PMS1: variants seen among roughly 807,000 people sequenced by gnomAD.
PMS1 encodes PMS1 protein homolog 1.
Under a neutral mutation model 93.1 loss-of-function variants are expected in PMS1, and 79 were observed. That is an observed-to-expected ratio of 0.85 (90% CI 0.71 to 1.02). The LOEUF (loss-of-function observed/expected upper bound fraction) is 1.02, where lower values mean the gene tolerates loss of function less well. PMS1 is among the 50% of genes least tolerant of loss of function. The pLI is 0.00. For synonymous variants in PMS1, 335 were observed against 363.4 expected (o/e 0.92, Z 0.89); for missense variants, 1,064 against 1,085.3 (o/e 0.98, Z 0.28).
At chr2:189,788,806 G>A (rs1055286703) in intron 1 of PMS1, among the ~76,000 whole-genome samples, 2 of 152,106 alleles carry the variant, frequency 1.3e-5, no homozygotes, top group African/African-American at 4.8e-5. Context: ...GACTACCCAC[G>A]TTTCTAGTGC....
At chr2:189,849,176 C>T (rs1051594349) in intron 6 of PMS1, among the ~76,000 whole-genome samples, 2 of 152,078 alleles carry the variant, frequency 1.3e-5, no homozygotes, top group African/African-American at 2.4e-5. Flanking sequence ...AGGGCCACTG[C>T]TCTGGTGGCT....
At chr2:189,849,212 T>C (rs2054495080) in intron 6 of PMS1, among the ~76,000 whole-genome samples, 1 of 152,182 alleles carries the variant, frequency 6.6e-6, no homozygotes, top group African/African-American at 2.4e-5. Context: ...CCATCGTGAC[T>C]TTGTGGGCTT....
chr2:189,858,773 T>C (rs1460063523), intron 9 of PMS1, among the ~76,000 whole-genome samples: 1 of 152,144 alleles, frequency 6.6e-6, no homozygotes, highest in Non-Finnish European at 1.5e-5. Flanking sequence ...AAAATAACTT[T>C]AAAATTGTGA....
At chr2:189,795,073 G>A (rs2049221493) in intron 2 of PMS1, among the ~76,000 whole-genome samples, 1 of 152,128 alleles carries the variant, frequency 6.6e-6, no homozygotes, top group Admixed American at 6.5e-5. Flanking sequence ...ACTGTATGTA[G>A]CCTGAGTGAC....
chr2:189,824,206 G>A (rs753726641), intron 5 of PMS1, among the ~76,000 whole-genome samples: 3 of 152,012 alleles, frequency 2.0e-5, no homozygotes, highest in Non-Finnish European at 4.4e-5. Flanking sequence ...GGTATCTGAA[G>A]CCTCCCTTCT....
intron 12 of PMS1, among the ~76,000 whole-genome samples, chr2:189,874,691 C>T (rs1335578382): frequency 6.6e-6 from 1 of 152,174 alleles, no homozygotes; most frequent in East Asian, 1.9e-4. Context: ...ACTTCCTTAA[C>T]AGGAAAGTCT....
intron 9 of PMS1, among the ~76,000 whole-genome samples, chr2:189,855,438 ATT>A (rs55803547): frequency 6.9e-6 from 1 of 144,286 alleles, no homozygotes; most frequent in African/African-American, 2.5e-5. Flanking sequence ...TTTATCTTCT[ATT>A]TTTTTTTTGT....
intron 5 of PMS1, among the ~76,000 whole-genome samples, chr2:189,833,645 A>G (rs922068064): frequency 2.2e-4 from 33 of 152,160 alleles, no homozygotes; most frequent in Non-Finnish European, 4.1e-4. Context: ...ACCAACTGAT[A>G]CTTTTTCATT....
At position 189,785,163 on chromosome 2, in the gene PMS1, A is replaced by G. The variant is rs5742937; in HGVS notation, c.-21+570A>G. Among the ~76,000 whole-genome samples the G allele has an allele frequency of 4.5e-3, 678 of 152,342 alleles. 5 individuals carry two copies. Among genetic ancestry groups the G allele is most frequent in the African/African-American group, 0.015 (642 of 41,578 alleles). ...GAAAGTTTGTGATTTTTATTGCCGAAATAGCTTTCAACATTTTGAAATTGA... is the reference window on the plus strand; with the variant it reads ...GAAAGTTTGTGATTTTTATTGCCGAGATAGCTTTCAACATTTTGAAATTGA... On this transcript the variant is annotated intron_variant, in intron 1 of 12. Coordinates refer to ENST00000441310, the MANE Select transcript of PMS1 (RefSeq NM_000534.5).
intron 5 of PMS1, among the ~76,000 whole-genome samples, chr2:189,830,117 A>T (rs1195274958): frequency 6.6e-6 from 1 of 152,144 alleles, no homozygotes; most frequent in Admixed American, 6.5e-5. Context: ...TAAATATGTT[A>T]GGTTTTTAGG....
chr2:189,839,975 G>T (rs990917543), intron 5 of PMS1, among the ~76,000 whole-genome samples: 2 of 152,084 alleles, frequency 1.3e-5, no homozygotes, highest in Admixed American at 1.3e-4. Context: ...AATTTAAATA[G>T]TCTACTTCAT....
intron 2 of PMS1, among the ~76,000 whole-genome samples, chr2:189,793,792 T>A (rs1010220475): frequency 6.6e-6 from 1 of 152,248 alleles, no homozygotes; most frequent in Admixed American, 6.5e-5. Flanking sequence ...TTTTAAGATA[T>A]ACACCTTAAA....
intron 11 of PMS1, among the ~76,000 whole-genome samples, chr2:189,872,118 T>G (rs256556): frequency 0.3 from 44,870 of 152,000 alleles, 11,395 homozygotes; most frequent in African/African-American, 0.69. Flanking sequence ...ATTTCAACAT[T>G]AGATTTGGAG....
At chr2:189,857,529 ACGCCTCTTC>A (rs1253497355) in intron 9 of PMS1, 1 of 462,534 alleles carries the variant, frequency 2.2e-6, no homozygotes, top group Non-Finnish European at 4.5e-6. Context: ...ATGAGAGTAG[ACGCCTCTTC>A]TATAGACCTT....
At position 189,854,506 on chromosome 2, in the gene PMS1, A is replaced by C; in HGVS notation, c.1234A>C (p.Ser412Arg). ...TGATGATTGTTTAAATCACCAGATA[A>C]GTATTGGTGACTTTGGTTATGGTCA... ...NTDDCLNHQI[S>R]IGDFGYGHCS... Residue 412 changes from serine to arginine, a missense_variant, in exon 9 of 13, where the codon AGT (serine) becomes CGT (arginine). By Grantham distance (110) the Ser-to-Arg change is moderately radical. Coordinates refer to ENST00000441310, the MANE Select transcript of PMS1 (RefSeq NM_000534.5). 6.2e-7 allele frequency: 1 copy of C among 1,613,554 alleles called. No individual in the cohort carries two copies. The highest frequency in any genetic ancestry group is 1.3e-5 in the African/African-American group (1 of 75,040).
intron 6 of PMS1, among the ~76,000 whole-genome samples, chr2:189,847,202 A>C (rs114955169): frequency 0.011 from 1,694 of 152,196 alleles, 26 homozygotes; most frequent in African/African-American, 0.039. Context: ...CCTTACAAGG[A>C]TGTGTCTAAG....
Position 189,822,888 on chromosome 2 carries a change from C to G in PMS1, c.582+4708C>G, listed in dbSNP as rs879076760. 2.6e-5 allele frequency among the ~76,000 whole-genome samples: 4 copies of G among 152,252 alleles called. No individual in the cohort carries two copies. In the South Asian group the frequency reaches 6.2e-4, roughly 24 times the overall value. On this transcript the variant is annotated intron_variant, in intron 5 of 12. Coordinates refer to ENST00000441310, the MANE Select transcript of PMS1 (RefSeq NM_000534.5). ...TGTCAAAGGAGCTAATGCTACAAGG[C>G]TCCACTCTTCCTAGAGTTAAAATAT...
Position 189,833,528 on chromosome 2 carries a change from G to C in PMS1, c.583-10436G>C, listed in dbSNP as rs544518989. ...ACCTGGGAGGCAGAGATTGCAGTGA[G>C]CTGAGATCACGCCATTGCACTCCAG... On this transcript the variant is annotated intron_variant, in intron 5 of 12. Coordinates refer to ENST00000441310, the MANE Select transcript of PMS1 (RefSeq NM_000534.5). Among the ~76,000 whole-genome samples, 3 of 152,300 alleles carry C rather than the reference G, an allele frequency of 2.0e-5. No homozygotes were observed. In the South Asian group the frequency reaches 6.2e-4, roughly 32 times the overall value.
intron 11 of PMS1, among the ~76,000 whole-genome samples, 193 bp from the exon 12 acceptor site, chr2:189,873,303 G>A (rs1473972807): frequency 2.6e-5 from 4 of 152,192 alleles, no homozygotes; most frequent in African/African-American, 9.6e-5. Flanking sequence ...TGTGGTGTCA[G>A]TGAGCACTTA....
Sources: allele counts gnomAD v4.1 joint callset (sites outside exome capture counted in the v4.1 genomes callset), GRCh38; gene constraint gnomAD v4.1.1; transcripts MANE v1.5; gene names NCBI Gene and HGNC (gene_info 2026-07-23, HGNC 2026-07-21).